The following XRRA1 variants were observed in gnomAD, a reference collection of about 807,000 sequenced individuals.
XRRA1 encodes X-ray radiation resistance associated 1, also known as X-ray radiation resistance-associated protein 1.
A neutral mutation model predicts 80.2 loss-of-function variants in XRRA1; 69 were observed. The observed-to-expected ratio is 0.86, with a 90% CI of 0.71 to 1.05. The LOEUF (loss-of-function observed/expected upper bound fraction) is 1.05. Among genes scored for constraint, XRRA1 ranks in the 50% least tolerant of loss-of-function variants. The pLI is 0.00. For synonymous variants in XRRA1, 348 were observed against 389.9 expected (o/e 0.89, Z 1.27); for missense variants, 967 against 976.4 (o/e 0.99, Z 0.13).
chr11:74,849,092 G>A (rs553700111), intron 14 of XRRA1, among the ~76,000 whole-genome samples: 2 of 152,334 alleles, frequency 1.3e-5, no homozygotes, highest in African/African-American at 4.8e-5. Context: ...AGCCTCAGCT[G>A]CCAGGAGGTG....
chr11:74,930,389 C>CAA lies in XRRA1; in HGVS notation c.352-18_352-17insTT. On this transcript the variant is annotated splice_polypyrimidine_tract_variant and intron_variant, in intron 5 of 18. Coordinates refer to ENST00000684022, the MANE Select transcript of XRRA1 (RefSeq NM_001378157.1). ...TTCCTTGGCCTGTAGGAAAGCATTT[C>CAA]AGAAAAAAAAAAAAATCCACAAGAT... The CAA allele has an allele frequency of 2.0e-6, 3 of 1,488,058 alleles. No individual in the cohort carries two copies. The highest frequency in any genetic ancestry group is 2.6e-5 in the South Asian group (2 of 76,420). The allele number at this position is 1,488,058 out of a possible 1,614,324, so 92.2% of individuals were successfully genotyped here.
chr11:74,931,735 T>C (rs535825067), intron 5 of XRRA1: 1 of 152,374 alleles, frequency 6.6e-6, no homozygotes, highest in African/African-American at 2.4e-5. Context: ...AATTATGTAA[T>C]TAATATTCTT....
Position 74,933,925 on chromosome 11 carries a change from A to G in XRRA1, c.280-53T>C, listed in dbSNP as rs371106855. 4.7e-6 allele frequency: 7 copies of G among 1,492,324 alleles called. No individual in the cohort carries two copies. The South Asian group carries it at 8.4e-5, about 18-fold the overall frequency. 92.4% of individuals were successfully genotyped at this position (1,492,324 alleles called of 1,614,324 possible). A position where few individuals can be genotyped will look rare whatever the true frequency, so the allele number is the denominator to read the frequency against. On this transcript the variant is annotated intron_variant, in intron 4 of 18. Coordinates refer to ENST00000684022, the MANE Select transcript of XRRA1 (RefSeq NM_001378157.1). ...TTAAGGCCCCTACAAAGTTTAATTA[A>G]TCTATTACCACTCAGCCTTCTCTTG...
At position 74,943,952 on chromosome 11, in the gene XRRA1, G is replaced by T. The variant is rs554890575; in HGVS notation, c.-5+1066C>A. 7.9e-5 allele frequency among the ~76,000 whole-genome samples: 12 copies of T among 152,194 alleles called. No individual in the cohort carries two copies. The South Asian group carries it at 2.5e-3, about 32-fold the overall frequency. On this transcript the variant is annotated intron_variant, in intron 2 of 18. Coordinates refer to ENST00000684022, the MANE Select transcript of XRRA1 (RefSeq NM_001378157.1). Reference sequence around the variant, plus strand: ...TCCTCCTACCTCAGCCTCCTGAGTAGCTGGGACTATAGGCACATGCCACCA... The same window carrying T: ...TCCTCCTACCTCAGCCTCCTGAGTATCTGGGACTATAGGCACATGCCACCA...
At chr11:74,845,697 A>G (rs2037918883) in intron 15 of XRRA1, among the ~76,000 whole-genome samples, 1 of 152,228 alleles carries the variant, frequency 6.6e-6, no homozygotes, top group African/African-American at 2.4e-5. Context: ...AGATTGGTAC[A>G]GTTAAGTACA....
At chr11:74,866,654 TAAA>T (rs57326749) in intron 10 of XRRA1, among the ~76,000 whole-genome samples, 28 of 135,422 alleles carry the variant, frequency 2.1e-4, no homozygotes, top group African/African-American at 7.5e-4. Context: ...TTGAAATAAT[TAAA>T]AAAAAAAAAA....
chr11:74,844,388 G>A, intron 16 of XRRA1, 105 bp from the exon 17 acceptor site: 1 of 784,196 alleles, frequency 1.3e-6, no homozygotes, highest in East Asian at 2.5e-5. Flanking sequence ...CTAGGTAAAA[G>A]GATTTGAGAG....
intron 8 of XRRA1, 99 bp downstream of exon 8, chr11:74,921,115 C>T: frequency 6.7e-7 from 1 of 1,498,430 alleles, no homozygotes; most frequent in Non-Finnish European, 9.1e-7. Flanking sequence ...GCTTTGAGCA[C>T]TTACAGCCTA....
rs1199584976 is a variant in XRRA1 at position 74,936,940 on chromosome 11, AC to A, written c.222del (p.Glu74AspfsTer21). Reference protein sequence around the residue: ...ATSFEFKGKKESRRENQVDLP... With the variant: ...ATSFEFKGKKXSRRENQVDLP... The stretch of plus-strand genomic sequence containing the variant: ...AGGTCCACCTGATTTTCCCGCCGAG[AC>A]TCTTTCTTCCCCTTGAACTCAAAAG... On this transcript the variant is annotated frameshift_variant, in exon 4 of 19. Transcript: ENST00000684022. LOFTEE classifies it high-confidence loss of function. The A allele has an allele frequency of 3.7e-6, 6 of 1,613,282 alleles. No individual in the cohort carries two copies. Among genetic ancestry groups the A allele is most frequent in the Admixed American group, 1.7e-5 (1 of 59,928 alleles).
At chr11:74,882,884 G>A (rs2048020175) in intron 10 of XRRA1, among the ~76,000 whole-genome samples, 1 of 152,226 alleles carries the variant, frequency 6.6e-6, no homozygotes, top group Admixed American at 6.5e-5. Flanking sequence ...ATCTCCAGCT[G>A]CATGCTGGGA....
chr11:74,910,507 A>G (rs2055632128), intron 8 of XRRA1, among the ~76,000 whole-genome samples: 2 of 152,226 alleles, frequency 1.3e-5, no homozygotes, highest in African/African-American at 2.4e-5. Context: ...CAGACAAAAA[A>G]AATAGCAAGA....
At chr11:74,865,716 C>A (rs544887379) in intron 10 of XRRA1, among the ~76,000 whole-genome samples, 81 of 152,346 alleles carry the variant, frequency 5.3e-4, no homozygotes, top group African/African-American at 1.9e-3. Flanking sequence ...AAATTCAGTC[C>A]CTCTGGCTAC....
At position 74,888,571 on chromosome 11, in the gene XRRA1, T is replaced by C. The variant is rs182280304; in HGVS notation, c.1003+17668A>G. 3.7e-3 allele frequency among the ~76,000 whole-genome samples: 560 copies of C among 152,316 alleles called. 1 individual carries two copies. The highest frequency in any genetic ancestry group is 5.8e-3 in the Non-Finnish European group (396 of 68,022). On this transcript the variant is annotated intron_variant, in intron 10 of 18. Transcript: ENST00000684022. ...CAACGGAACAAAGCTGGATGGAGAA[T>C]GACTTTGACGAGTTGAGAGAAGAAG...
At chr11:74,851,921 G>T in intron 13 of XRRA1, 68 bp downstream of exon 13, 1 of 1,323,488 alleles carries the variant, frequency 7.6e-7, no homozygotes, top group Non-Finnish European at 1.1e-6. Context: ...TTGATGAGGT[G>T]GGGATGAGGG....
intron 2 of XRRA1, among the ~76,000 whole-genome samples, chr11:74,941,506 G>A (rs756828229): frequency 3.9e-4 from 60 of 152,176 alleles, no homozygotes; most frequent in African/African-American, 1.4e-3. Context: ...TGTGACCCAA[G>A]AAGGAGAGGG....
chr11:74,904,425 A>T (rs1428541211), intron 10 of XRRA1, among the ~76,000 whole-genome samples: 3 of 151,774 alleles, frequency 2.0e-5, no homozygotes, highest in Non-Finnish European at 4.4e-5. Flanking sequence ...GTGTAACCGC[A>T]CTTCAGCCTG....
intron 10 of XRRA1, among the ~76,000 whole-genome samples, chr11:74,888,621 A>G (rs2049755238): frequency 6.6e-6 from 1 of 152,248 alleles, no homozygotes; most frequent in Non-Finnish European, 1.5e-5. Flanking sequence ...AACTACTCCA[A>G]GCTAAAGGAG....
chr11:74,901,796 C>A (rs1435869802), intron 10 of XRRA1, among the ~76,000 whole-genome samples: 1 of 152,072 alleles, frequency 6.6e-6, no homozygotes, highest in Admixed American at 6.6e-5. Flanking sequence ...AAATATAAGA[C>A]CTCAAACTGT....
intron 12 of XRRA1, among the ~76,000 whole-genome samples, chr11:74,855,017 T>A (rs937633254): frequency 4.0e-5 from 6 of 151,680 alleles, no homozygotes; most frequent in East Asian, 1.9e-4. Context: ...GCCACTGCAC[T>A]CCAGCCTGGG....
Sources: allele counts gnomAD v4.1 joint callset (sites outside exome capture counted in the v4.1 genomes callset), GRCh38; gene constraint gnomAD v4.1.1; transcripts MANE v1.5; gene names NCBI Gene and HGNC (gene_info 2026-07-23, HGNC 2026-07-21).